TRPS1: variants seen among roughly 807,000 people sequenced by gnomAD.
TRPS1 encodes transcriptional repressor GATA binding 1, also known as zinc finger transcription factor Trps1.
A neutral mutation model predicts 101.2 loss-of-function variants in TRPS1; 6 were observed. That is an observed-to-expected ratio of 0.06 (90% CI 0.03 to 0.12). The LOEUF is 0.12. TRPS1 is among the 10% of genes least tolerant of loss of function. The probability of loss-of-function intolerance (pLI) is 1.00; values close to 1 mark genes in which losing one functional copy is unlikely to be tolerated. For synonymous variants in TRPS1, 578 were observed against 589.8 expected (o/e 0.98, Z 0.29); for missense variants, 1,363 against 1,567.0 (o/e 0.87, Z 2.20).
intron 1 of TRPS1, among the ~76,000 whole-genome samples, chr8:115,665,157 A>G (rs552855700): frequency 6.6e-6 from 1 of 152,336 alleles, no homozygotes; most frequent in South Asian, 2.1e-4. Context: ...GTCAGTTATC[A>G]GCATTTATTC....
intron 5 of TRPS1, 165 bp downstream of exon 5, chr8:115,586,836 C>CATGA: frequency 8.9e-7 from 1 of 1,128,480 alleles, no homozygotes; most frequent in Non-Finnish European, 1.3e-6. Flanking sequence ...CACAAACACA[C>CATGA]ATGAGTTACT....
At chr8:115,536,395 C>T (rs1816320903) in intron 5 of TRPS1, among the ~76,000 whole-genome samples, 1 of 151,646 alleles carries the variant, frequency 6.6e-6, no homozygotes, top group East Asian at 1.9e-4. Context: ...TGGTGGCGGG[C>T]GCCTGTAGTC....
chr8:115,640,814 G>A (rs565907794), intron 1 of TRPS1, among the ~76,000 whole-genome samples: 18 of 152,296 alleles, frequency 1.2e-4, no homozygotes, highest in African/African-American at 3.6e-4. Flanking sequence ...CTAAGTTTTG[G>A]ATAATTACAG....
At chr8:115,512,780 C>T (rs930045256) in intron 5 of TRPS1, among the ~76,000 whole-genome samples, 3 of 151,502 alleles carry the variant, frequency 2.0e-5, no homozygotes, top group Non-Finnish European at 3.0e-5. Flanking sequence ...TGCATACTTG[C>T]CTACAAAAAT....
intron 5 of TRPS1, among the ~76,000 whole-genome samples, chr8:115,453,464 C>G (rs537213933): frequency 1.3e-5 from 2 of 152,164 alleles, no homozygotes; most frequent in African/African-American, 4.8e-5. Context: ...TGCATTTGCA[C>G]GAGTGTGTAC....
intron 5 of TRPS1, among the ~76,000 whole-genome samples, chr8:115,449,028 C>T (rs1428682481): frequency 6.6e-6 from 1 of 152,066 alleles, no homozygotes; most frequent in Admixed American, 6.6e-5. Flanking sequence ...AATGAATTTC[C>T]TTTTTAAAAA....
intron 5 of TRPS1, among the ~76,000 whole-genome samples, chr8:115,456,412 C>A (rs1313829030): frequency 1.3e-5 from 2 of 151,994 alleles, no homozygotes; most frequent in African/African-American, 4.8e-5. Flanking sequence ...CTTACTCTGA[C>A]CTGCAACCTG....
At chr8:115,621,144 C>A (rs779592901) in intron 2 of TRPS1, among the ~76,000 whole-genome samples, 1 of 152,088 alleles carries the variant, frequency 6.6e-6, no homozygotes, top group Non-Finnish European at 1.5e-5. Flanking sequence ...AACTAAGAAA[C>A]AATTTGTGTA....
At chr8:115,525,052 A>G (rs1354996907) in intron 5 of TRPS1, among the ~76,000 whole-genome samples, 1 of 152,088 alleles carries the variant, frequency 6.6e-6, no homozygotes, top group Non-Finnish European at 1.5e-5. Context: ...TAAAAAATGT[A>G]TTTATTGTTA....
chr8:115,604,902 A>G lies in TRPS1; in HGVS notation c.1067T>C (p.Met356Thr). The change falls in exon 4 of 7, where the codon ATG becomes ACG. Residue 356 changes from methionine (M) to threonine (T), a missense_variant. Physicochemically the swap from Met to Thr is moderately conservative, Grantham distance 81 (BLOSUM62 -1). Around this residue, in one of 5 missense-constraint regions of TRPS1, gnomAD observed 1,020 missense variants for 1,073.0 expected, o/e 0.95. Coordinates refer to ENST00000395715, the MANE Select transcript of TRPS1 (RefSeq NM_014112.5). This position sits in a 1 kb window ranked among gnomAD's most constrained non-coding sequence, Gnocchi z 4.1. Reference sequence around the variant, plus strand: ...TTCTAATTCGGTGGATGAGTTGCCCATATAAGTGAAATTGCAGAATTTACA... The same window carrying G: ...TTCTAATTCGGTGGATGAGTTGCCCGTATAAGTGAAATTGCAGAATTTACA... ...FRCKFCNFTYMGNSSTELEQH... is the reference protein window; with the variant it reads ...FRCKFCNFTYTGNSSTELEQH... 6.2e-7 allele frequency: 1 copy of G among 1,614,070 alleles called. No homozygotes were observed.
At chr8:115,667,663 T>C (rs2130642629) in intron 1 of TRPS1, among the ~76,000 whole-genome samples, 2 of 152,320 alleles carry the variant, frequency 1.3e-5, no homozygotes, top group South Asian at 4.1e-4. Context: ...TCGGCCAAGC[T>C]GTCCTGAGCC....
At chr8:115,568,275 C>T (rs1372618847) in intron 5 of TRPS1, among the ~76,000 whole-genome samples, 1 of 152,068 alleles carries the variant, frequency 6.6e-6, no homozygotes, top group Non-Finnish European at 1.5e-5. Context: ...ATAGTATATA[C>T]ATGCACATAT....
intron 1 of TRPS1, among the ~76,000 whole-genome samples, chr8:115,663,523 T>C (rs1247183159): frequency 1.3e-5 from 2 of 151,920 alleles, no homozygotes; most frequent in African/African-American, 2.4e-5. Flanking sequence ...TTAAAAGTTT[T>C]TTGTTATTAT....
At chr8:115,589,452 G>C (rs1483790061) in intron 4 of TRPS1, among the ~76,000 whole-genome samples, 1 of 152,154 alleles carries the variant, frequency 6.6e-6, no homozygotes, top group East Asian at 1.9e-4. Context: ...TATTTGTTGA[G>C]AGTGCTTAAT....
intron 5 of TRPS1, among the ~76,000 whole-genome samples, chr8:115,473,108 C>G (rs533627367): frequency 6.6e-6 from 1 of 152,172 alleles, no homozygotes; most frequent in African/African-American, 2.4e-5. Flanking sequence ...CAGCAGTGCC[C>G]CACTCTACTG....
chr8:115,582,531 ATCTGAGGATCTCAAATGGCC>A (rs2130431281), intron 5 of TRPS1, among the ~76,000 whole-genome samples: 1 of 152,360 alleles, frequency 6.6e-6, no homozygotes, highest in South Asian at 2.1e-4. Flanking sequence ...AGCACTCTGC[ATCTGAGGATCTCAAATGGCC>A]TGACAAACGT....
intron 5 of TRPS1, among the ~76,000 whole-genome samples, chr8:115,428,009 G>C (rs1463589428): frequency 6.6e-6 from 1 of 152,196 alleles, no homozygotes; most frequent in East Asian, 1.9e-4. Context: ...AGCTGTGAAT[G>C]AAAGTCTCTC....
At chr8:115,589,008 G>A (rs1817627003) in intron 4 of TRPS1, among the ~76,000 whole-genome samples, 2 of 152,174 alleles carry the variant, frequency 1.3e-5, no homozygotes, top group African/African-American at 4.8e-5. Context: ...ATAGTAATTG[G>A]TATAAAGGGC....
At chr8:115,429,461 T>C (rs1358402510) in intron 5 of TRPS1, among the ~76,000 whole-genome samples, 1 of 152,168 alleles carries the variant, frequency 6.6e-6, no homozygotes, top group Non-Finnish European at 1.5e-5. Flanking sequence ...CGAGCCTTAC[T>C]CGCACCCGGC....
Sources: allele counts gnomAD v4.1 joint callset (sites outside exome capture counted in the v4.1 genomes callset), GRCh38; gene constraint gnomAD v4.1.1; regional missense constraint gnomAD v4.1.1; non-coding constraint Gnocchi (gnomAD v3.1); transcripts MANE v1.5; gene names NCBI Gene and HGNC (gene_info 2026-07-23, HGNC 2026-07-21).